The following CHLSN variants were observed in gnomAD, a reference collection of about 807,000 sequenced individuals.
CHLSN encodes cholesin, also known as protein cholesin.
chr7:996,692 G>T, the CHLSN span, among the ~76,000 whole-genome samples: 1 of 152,256 alleles, frequency 6.6e-6, no homozygotes, highest in Non-Finnish European at 1.5e-5. Flanking sequence ...CCTTCCCGGT[G>T]CCCCGCGGCA....
the CHLSN span, among the ~76,000 whole-genome samples, chr7:1,006,508 GCACGACGGCCATACTGCAGGGAAAGAGCA>G: frequency 9.9e-5 from 13 of 130,826 alleles, no homozygotes; most frequent in African/African-American, 3.0e-4. Flanking sequence ...GGGAAAGAGC[GCACGACGGCCATACTGCAGGGAAAGAGCA>G]CACGACGGCC....
chr7:988,229 C>T, the CHLSN span: 2 of 1,535,120 alleles, frequency 1.3e-6, no homozygotes, highest in African/African-American at 1.4e-5. Context: ...CAGGCCCCAT[C>T]CCATCTTCCC....
At chr7:1,066,004 C>A in the CHLSN span, among the ~76,000 whole-genome samples, 1 of 152,220 alleles carries the variant, frequency 6.6e-6, no homozygotes, top group Non-Finnish European at 1.5e-5. Context: ...CCGCCGAGGA[C>A]CAGAGCGCCT....
chr7:1,067,345 T>C, the CHLSN span, among the ~76,000 whole-genome samples: 1,898 of 35,336 alleles, frequency 0.054, 194 homozygotes, highest in Admixed American at 0.069. Context: ...GGGGCACAGT[T>C]TTCACACAGG....
At chr7:986,795 C>A in the CHLSN span, 1 of 1,560,526 alleles carries the variant, frequency 6.4e-7, no homozygotes, top group South Asian at 1.2e-5. Context: ...CCAGCAGGGA[C>A]AGGTGTGTCG....
chr7:991,480 C>T, the CHLSN span, among the ~76,000 whole-genome samples: 1 of 93,036 alleles, frequency 1.1e-5, no homozygotes, highest in African/African-American at 5.5e-5. Context: ...GTGGGGCGGG[C>T]AGGAGGGAAG....
At chr7:1,083,726 T>C in the CHLSN span, among the ~76,000 whole-genome samples, 1 of 151,912 alleles carries the variant, frequency 6.6e-6, no homozygotes, top group Admixed American at 6.5e-5. Context: ...TGGTCAACTG[T>C]GGTCTGCACA....
the CHLSN span, among the ~76,000 whole-genome samples, chr7:1,008,981 C>T: frequency 7.1e-6 from 1 of 141,272 alleles, no homozygotes; most frequent in Non-Finnish European, 1.5e-5. Flanking sequence ...GCACACACAC[C>T]CATGCGAACA....
At chr7:1,076,686 CTTT>C in the CHLSN span, among the ~76,000 whole-genome samples, 27 of 152,356 alleles carry the variant, frequency 1.8e-4, no homozygotes, top group East Asian at 5.2e-3. Flanking sequence ...TGTCCAAGAT[CTTT>C]TCCTCCACTT....
At chr7:1,048,186 A>G in the CHLSN span, among the ~76,000 whole-genome samples, 1 of 152,316 alleles carries the variant, frequency 6.6e-6, no homozygotes, top group South Asian at 2.1e-4. Context: ...AGGGATCAAC[A>G]TCCGCAAAAG....
chr7:1,055,564 G>T, the CHLSN span: 1 of 410,126 alleles, frequency 2.4e-6, no homozygotes, highest in South Asian at 1.7e-5. Context: ...GGACGTGGGG[G>T]ACTCTGTGCA....
chr7:1,083,153 C>A, the CHLSN span, among the ~76,000 whole-genome samples: 2 of 152,250 alleles, frequency 1.3e-5, no homozygotes, highest in Non-Finnish European at 2.9e-5. Flanking sequence ...CCCAAGGATG[C>A]GCCCAGAATG....
chr7:981,628 C>G, the CHLSN span, among the ~76,000 whole-genome samples: 1 of 152,010 alleles, frequency 6.6e-6, no homozygotes, highest in Non-Finnish European at 1.5e-5. Flanking sequence ...GCAGGAGAAT[C>G]GCTCCAACCC....
chr7:1,090,558 G>C, the CHLSN span, among the ~76,000 whole-genome samples: 2 of 151,300 alleles, frequency 1.3e-5, no homozygotes, highest in Non-Finnish European at 3.0e-5. Context: ...TGGCGGCAGA[G>C]CCGGGGTGAC....
the CHLSN span, among the ~76,000 whole-genome samples, chr7:1,110,050 C>T: frequency 5.3e-5 from 8 of 152,338 alleles, no homozygotes; most frequent in African/African-American, 1.9e-4. Context: ...GGGCCCTCCA[C>T]GCCCAGACAC....
the CHLSN span, among the ~76,000 whole-genome samples, chr7:1,030,021 C>T: frequency 1.3e-5 from 2 of 152,320 alleles, no homozygotes; most frequent in East Asian, 3.9e-4. Context: ...GGTGTCCGCA[C>T]CCCGCTTTCA....
the CHLSN span, among the ~76,000 whole-genome samples, chr7:1,121,350 C>T: frequency 6.6e-6 from 1 of 152,210 alleles, no homozygotes; most frequent in Admixed American, 6.5e-5. Context: ...CCTCCACAGA[C>T]ACCAGCCACC....
the CHLSN span, among the ~76,000 whole-genome samples, chr7:1,040,421 G>T: frequency 6.6e-6 from 1 of 152,074 alleles, no homozygotes; most frequent in Non-Finnish European, 1.5e-5. Flanking sequence ...CTTGAGCCTG[G>T]GAGTTCAAGG....
chr7:1,090,772 T>C, the CHLSN span, among the ~76,000 whole-genome samples: 2 of 152,376 alleles, frequency 1.3e-5, no homozygotes, highest in East Asian at 3.9e-4. Context: ...CAAAAACATA[T>C]TAGGTTTTAC....
Sources: gnomAD v4.1 joint callset for allele counts (sites outside exome capture counted in the v4.1 genomes callset) on GRCh38, gnomAD v4.1.1 for gene constraint, MANE v1.5 for transcripts, NCBI Gene and HGNC (gene_info 2026-07-23, HGNC 2026-07-21) for gene names.